CTNND2: variants seen among roughly 807,000 people sequenced by gnomAD.
The protein encoded by CTNND2 is catenin delta-2.
CTNND2 carries 22 observed loss-of-function variants against 144.4 expected under a neutral mutation model. The ratio of observed to expected loss-of-function variants is 0.15; its 90% CI spans 0.11 to 0.22. The LOEUF (loss-of-function observed/expected upper bound fraction) is 0.22, where lower values mean the gene tolerates loss of function less well. Ranked by LOEUF, CTNND2 falls within the 10% of genes least tolerant of loss-of-function variation. The probability of loss-of-function intolerance (pLI) is 1.00; values close to 1 mark genes in which losing one functional copy is unlikely to be tolerated. For missense variants in CTNND2, 1,353 were observed against 1,618.8 expected, an observed-to-expected ratio of 0.84 and a Z score of 2.82; for synonymous variants, 751 against 695.6, an observed-to-expected ratio of 1.08 and a Z score of -1.25.
intron 3 of CTNND2, among the ~76,000 whole-genome samples, chr5:11,538,007 T>C (rs769731644): frequency 6.6e-6 from 1 of 152,218 alleles, no homozygotes; most frequent in Non-Finnish European, 1.5e-5. Context: ...GTATAGCCTT[T>C]GGTAGATTCA....
intron 1 of CTNND2, among the ~76,000 whole-genome samples, chr5:11,894,066 G>T (rs752915648): frequency 6.6e-6 from 1 of 151,492 alleles, no homozygotes; most frequent in Non-Finnish European, 1.5e-5. Flanking sequence ...GCAGACTACA[G>T]TTAGAGCGAT....
chr5:11,829,366 C>A (rs1793765817), intron 1 of CTNND2, among the ~76,000 whole-genome samples: 1 of 152,158 alleles, frequency 6.6e-6, no homozygotes, highest in African/African-American at 2.4e-5. Flanking sequence ...CCATCACAGG[C>A]CAGGAGGTCT....
chr5:11,429,587 G>T (rs1763095273), intron 3 of CTNND2, among the ~76,000 whole-genome samples: 1 of 152,150 alleles, frequency 6.6e-6, no homozygotes, highest in Admixed American at 6.5e-5. Context: ...CACCTAATGT[G>T]CTTAATGGTC....
Position 11,090,694 on chromosome 5 carries a change from G to C in CTNND2, c.2638-7848C>G, listed in dbSNP as rs577804181. ...ATTGTCTTCCACGAAACTGGTTCCTGGTGCCAAAAATGTTGGGGACCACTG... is the reference window on the plus strand; with the variant it reads ...ATTGTCTTCCACGAAACTGGTTCCTCGTGCCAAAAATGTTGGGGACCACTG... On this transcript the variant is annotated intron_variant, in intron 15 of 21. Coordinates refer to ENST00000304623, the MANE Select transcript of CTNND2 (RefSeq NM_001332.4). 3.9e-5 allele frequency among the ~76,000 whole-genome samples: 6 copies of C among 152,218 alleles called. No homozygotes were observed. In the South Asian group the frequency reaches 1.2e-3, roughly 32 times the overall value.
chr5:11,384,532 TTC>T lies in CTNND2; in HGVS notation c.1177+131_1177+132del. 3.9e-6 allele frequency: 3 copies of T among 761,330 alleles called. No individual in the cohort carries two copies. Among genetic ancestry groups the T allele is most frequent in the East Asian group, 5.4e-5 (2 of 36,790 alleles). 47.2% of individuals were successfully genotyped at this position (761,330 alleles called of 1,614,324 possible). A position where few individuals can be genotyped will look rare whatever the true frequency, so the allele number is the denominator to read the frequency against. ...GACTTGTTCCAGGAAAGCCCTGGCG[TTC>T]TCTGTCTCCTGCAACTACTACAACC... is the stretch of plus-strand genomic sequence containing the variant. On this transcript the variant is annotated intron_variant, in intron 7 of 21. Coordinates refer to ENST00000304623, the MANE Select transcript of CTNND2 (RefSeq NM_001332.4). The surrounding 1 kb of genome is among the most constrained non-coding windows in gnomAD (Gnocchi z 5.2).
intron 7 of CTNND2, among the ~76,000 whole-genome samples, chr5:11,367,422 G>C (rs1330302383): frequency 6.6e-6 from 1 of 152,172 alleles, no homozygotes; most frequent in Non-Finnish European, 1.5e-5. Context: ...GCAATTTCAA[G>C]AAAAAATTCT....
At chr5:11,625,889 T>A (rs898203133) in intron 2 of CTNND2, among the ~76,000 whole-genome samples, 1 of 152,198 alleles carries the variant, frequency 6.6e-6, no homozygotes, top group African/African-American at 2.4e-5. Context: ...TTTACCTTAA[T>A]AATGCCAACA....
chr5:11,255,761 A>G (rs867996087), intron 9 of CTNND2, among the ~76,000 whole-genome samples: 10 of 152,156 alleles, frequency 6.6e-5, no homozygotes, highest in African/African-American at 2.4e-4. Context: ...CCCAGCATCA[A>G]TCAGTCACGA....
At chr5:11,275,036 A>G (rs1394547088) in intron 9 of CTNND2, among the ~76,000 whole-genome samples, 1 of 152,152 alleles carries the variant, frequency 6.6e-6, no homozygotes, top group Non-Finnish European at 1.5e-5. Flanking sequence ...AAGCTGGAGG[A>G]GATGATTCAA....
At chr5:11,468,120 T>G (rs542902964) in intron 3 of CTNND2, among the ~76,000 whole-genome samples, 4 of 152,292 alleles carry the variant, frequency 2.6e-5, no homozygotes, top group Admixed American at 2.6e-4. Flanking sequence ...GAAGGGCAAA[T>G]GAGACTCAAG....
At chr5:11,315,374 T>C (rs1163190745) in intron 9 of CTNND2, among the ~76,000 whole-genome samples, 1 of 152,240 alleles carries the variant, frequency 6.6e-6, no homozygotes, top group Non-Finnish European at 1.5e-5. Flanking sequence ...AAATAATGTA[T>C]AAACAATTCT....
At chr5:11,485,345 C>CTGTG (rs375624492) in intron 3 of CTNND2, among the ~76,000 whole-genome samples, 4,893 of 148,728 alleles carry the variant, frequency 0.033, 111 homozygotes, top group African/African-American at 0.075. Flanking sequence ...GAGACAGAGA[C>CTGTG]TGTGTGTGTG....
intron 20 of CTNND2, among the ~76,000 whole-genome samples, chr5:10,982,824 G>T (rs2149487900): frequency 6.6e-6 from 1 of 152,318 alleles, no homozygotes; most frequent in African/African-American, 2.4e-5. Flanking sequence ...GCCATAAAAA[G>T]AATGAAATCC....
intron 6 of CTNND2, among the ~76,000 whole-genome samples, chr5:11,391,546 C>T (rs776644509): frequency 2.6e-5 from 4 of 152,206 alleles, no homozygotes; most frequent in Non-Finnish European, 4.4e-5. Context: ...AGCATGCACA[C>T]CATTGCTCAA....
At position 11,634,270 on chromosome 5, in the gene CTNND2, C is replaced by CATAG. The variant is rs200236297; in HGVS notation, c.175-69218_175-69215dup. On this transcript the variant is annotated intron_variant, in intron 2 of 21. Coordinates refer to ENST00000304623, the MANE Select transcript of CTNND2 (RefSeq NM_001332.4). ...AGCACCCAGGGAACCTGAGCAAGAC[C>CATAG]ATAGGCACACACACAGCCATGGAGA... Among the ~76,000 whole-genome samples the CATAG allele has an allele frequency of 5.6e-3, 855 of 152,278 alleles. 3 individuals are homozygous for CATAG. Among genetic ancestry groups the CATAG allele is most frequent in the Non-Finnish European group, 8.1e-3 (550 of 68,022 alleles).
chr5:11,760,049 C>CAA lies in CTNND2; in HGVS notation c.38-27779_38-27778dup, dbSNP rs33988550. On this transcript the variant is annotated intron_variant, in intron 1 of 21. Transcript: ENST00000304623. ...AGTACTTGGCATTGAGTACTGGATGCAAAAAAAAAAAAAAAAAAAAATCCT... is the reference window on the plus strand; with the variant it reads ...AGTACTTGGCATTGAGTACTGGATGCAAAAAAAAAAAAAAAAAAAAAAATCCT... Among the ~76,000 whole-genome samples, 92 of 117,630 alleles carry CAA rather than the reference C, an allele frequency of 7.8e-4. 2 individuals are homozygous for CAA. Among genetic ancestry groups the CAA allele is most frequent in the African/African-American group, 2.5e-3 (89 of 35,126 alleles). 77.2% of individuals were successfully genotyped at this position (117,630 alleles called of 152,430 possible).
chr5:11,815,007 T>G (rs1475526585), intron 1 of CTNND2, among the ~76,000 whole-genome samples: 1 of 152,230 alleles, frequency 6.6e-6, no homozygotes, highest in East Asian at 1.9e-4. Flanking sequence ...TTTCATAAGA[T>G]TCTCATTAGT....
chr5:11,544,220 G>T (rs1278163710), intron 3 of CTNND2, among the ~76,000 whole-genome samples: 2 of 151,134 alleles, frequency 1.3e-5, no homozygotes, highest in Non-Finnish European at 2.9e-5. Flanking sequence ...TGTCTCCCAG[G>T]CTGGAGTGCA....
chr5:11,339,364 G>A (rs539245895), intron 9 of CTNND2, among the ~76,000 whole-genome samples: 1 of 152,228 alleles, frequency 6.6e-6, no homozygotes, highest in South Asian at 2.1e-4. Flanking sequence ...TCATGCTATG[G>A]GGAAATAAGG....
Sources: allele counts gnomAD v4.1 joint callset (sites outside exome capture counted in the v4.1 genomes callset), GRCh38; gene constraint gnomAD v4.1.1; non-coding constraint Gnocchi (gnomAD v3.1); transcripts MANE v1.5; gene names NCBI Gene and HGNC (gene_info 2026-07-23, HGNC 2026-07-21).